PTBP3: variants seen among roughly 807,000 people sequenced by gnomAD.
PTBP3 encodes the protein polypyrimidine tract-binding protein 3.
A neutral mutation model predicts 58.7 loss-of-function variants in PTBP3; 20 were observed. That is an observed-to-expected ratio of 0.34 (90% confidence interval 0.24 to 0.50). The LOEUF (loss-of-function observed/expected upper bound fraction) is 0.50. Among genes scored for constraint, PTBP3 ranks in the 20% least tolerant of loss-of-function variants. PTBP3 has a pLI of 0.98. For synonymous variants in PTBP3, 185 were observed against 219.8 expected, an observed-to-expected ratio of 0.84 and a Z score of 1.40; for missense variants, 509 against 637.2, an observed-to-expected ratio of 0.80 and a Z score of 2.17.
At chr9:112,322,019 C>CA in intron 1 of PTBP3, among the ~76,000 whole-genome samples, 2 of 150,376 alleles carry the variant, frequency 1.3e-5, no homozygotes, top group South Asian at 4.2e-4. Context: ...CCTGTAGTCT[C>CA]AGCTACTTGG....
chr9:112,247,866 T>TG (rs1260829795), intron 7 of PTBP3, among the ~76,000 whole-genome samples: 1 of 152,090 alleles, frequency 6.6e-6, no homozygotes, highest in East Asian at 1.9e-4. Flanking sequence ...CTTACTCAAG[T>TG]GGTTTGGAGG....
At chr9:112,252,355 G>A (rs1289336839) in intron 6 of PTBP3, 1 of 298,556 alleles carries the variant, frequency 3.3e-6, no homozygotes, top group Non-Finnish European at 6.3e-6. Flanking sequence ...AGAAGTAAAT[G>A]AAAGCACGAG....
At chr9:112,253,836 G>A (rs1183846227) in intron 5 of PTBP3, among the ~76,000 whole-genome samples, 1 of 152,086 alleles carries the variant, frequency 6.6e-6, no homozygotes, top group Non-Finnish European at 1.5e-5. Flanking sequence ...GTTTCCTGAA[G>A]CCTCCCCAGC....
At chr9:112,315,342 A>G (rs1406018970) in intron 1 of PTBP3, among the ~76,000 whole-genome samples, 1 of 152,200 alleles carries the variant, frequency 6.6e-6, no homozygotes, top group African/African-American at 2.4e-5. Flanking sequence ...GAAAACCAAA[A>G]TATTTATAAA....
At chr9:112,314,863 GCT>G (rs920067736) in intron 1 of PTBP3, among the ~76,000 whole-genome samples, 8 of 134,232 alleles carry the variant, frequency 6.0e-5, no homozygotes, top group African/African-American at 2.3e-4. Flanking sequence ...ACGGACTCTT[GCT>G]CTGTCACCCA....
the PTBP3 span, among the ~76,000 whole-genome samples, chr9:112,373,074 C>A: frequency 6.6e-6 from 1 of 151,586 alleles, no homozygotes; most frequent in Non-Finnish European, 1.5e-5. Context: ...TTTTTTGTAT[C>A]TTTAGTAGAG....
intron 11 of PTBP3, among the ~76,000 whole-genome samples, chr9:112,227,952 G>T (rs1048117380): frequency 6.6e-6 from 1 of 152,244 alleles, no homozygotes; most frequent in East Asian, 1.9e-4. Flanking sequence ...ATTTTTATAA[G>T]AAATTTTGAG....
intron 6 of PTBP3, among the ~76,000 whole-genome samples, chr9:112,251,760 A>G (rs1836128190): frequency 6.6e-6 from 1 of 152,192 alleles, no homozygotes; most frequent in Non-Finnish European, 1.5e-5. Context: ...TTGAATTTAT[A>G]AAAATAGATA....
chr9:112,244,728 T>C (rs577176561), intron 7 of PTBP3, among the ~76,000 whole-genome samples: 1 of 152,116 alleles, frequency 6.6e-6, no homozygotes, highest in South Asian at 2.1e-4. Context: ...ATGCACAATG[T>C]TCAAAGACTG....
Position 112,221,138 on chromosome 9 carries a change from T to C in PTBP3, c.*2713A>G. 9 of 985,742 alleles carry C rather than the reference T, an allele frequency of 9.1e-6. No homozygotes were observed. The highest frequency in any genetic ancestry group is 1.1e-5 in the Non-Finnish European group (9 of 829,922). The allele number at this position is 985,742 out of a possible 1,614,324, so 61.1% of individuals were successfully genotyped here. A position where few individuals can be genotyped will look rare whatever the true frequency, so the allele number is the denominator to read the frequency against. On this transcript the variant is annotated 3_prime_UTR_variant, in exon 14 of 14. Coordinates refer to ENST00000374257, the MANE Select transcript of PTBP3 (RefSeq NM_001163788.4). ...CAAACTGATGGTTTCAAACATGCTA[T>C]TTTAAAACAAGAACATCCCACATCT...
intron 1 of PTBP3, among the ~76,000 whole-genome samples, chr9:112,301,327 C>T (rs1828924170): frequency 6.6e-6 from 1 of 151,756 alleles, no homozygotes; most frequent in South Asian, 2.1e-4. Flanking sequence ...ATCAGAACAC[C>T]TAAAATAAAA....
chr9:112,230,079 C>T (rs1211576885), intron 10 of PTBP3, among the ~76,000 whole-genome samples: 1 of 152,072 alleles, frequency 6.6e-6, no homozygotes, highest in South Asian at 2.1e-4. Context: ...GATGGCCACA[C>T]AACTGTGAAT....
chr9:112,333,332 C>A, intron 1 of PTBP3, 138 bp downstream of exon 1: 1 of 1,086,118 alleles, frequency 9.2e-7, no homozygotes, highest in Non-Finnish European at 1.2e-6. Context: ...GGAAGCCCCG[C>A]CGTCGGGCTT....
chr9:112,231,996 G>GAA, intron 9 of PTBP3, 103 bp downstream of exon 9: 1 of 500,932 alleles, frequency 2.0e-6, no homozygotes, highest in Non-Finnish European at 3.1e-6. Context: ...GAAGAGAAGA[G>GAA]AAGAGAAGAG....
At chr9:112,303,589 G>T (rs1829041705) in intron 1 of PTBP3, among the ~76,000 whole-genome samples, 1 of 152,218 alleles carries the variant, frequency 6.6e-6, no homozygotes, top group Non-Finnish European at 1.5e-5. Context: ...CTACAGGCTG[G>T]GCGCGGTGGC....
intron 1 of PTBP3, among the ~76,000 whole-genome samples, chr9:112,314,859 T>C (rs1829637579): frequency 6.7e-6 from 1 of 149,402 alleles, no homozygotes; most frequent in Non-Finnish European, 1.5e-5. Context: ...TGAGACGGAC[T>C]CTTGCTCTGT....
At chr9:112,297,965 G>A (rs1287316700) in intron 1 of PTBP3, 49 bp from the exon 2 acceptor site, 1 of 1,403,410 alleles carries the variant, frequency 7.1e-7, no homozygotes, top group Middle Eastern at 1.8e-4. Context: ...TTTAGATAAT[G>A]GTCCATATTT....
intron 1 of PTBP3, among the ~76,000 whole-genome samples, chr9:112,330,150 G>A (rs772022746): frequency 2.6e-5 from 4 of 151,908 alleles, no homozygotes; most frequent in Non-Finnish European, 5.9e-5. Context: ...CACCGCACCC[G>A]GCCTAAGCCT....
intron 7 of PTBP3, 21 bp downstream of exon 7, chr9:112,250,908 A>G: frequency 6.8e-7 from 1 of 1,479,294 alleles, no homozygotes; most frequent in Non-Finnish European, 9.0e-7. Context: ...TTGCTTTGTG[A>G]CCCAAAAAAG....
Sources: allele counts gnomAD v4.1 joint callset (sites outside exome capture counted in the v4.1 genomes callset), GRCh38; gene constraint gnomAD v4.1.1; transcripts MANE v1.5; gene names NCBI Gene and HGNC (gene_info 2026-07-23, HGNC 2026-07-21).